PYGB: variants seen among roughly 807,000 people sequenced by gnomAD.
PYGB encodes the protein glycogen phosphorylase, brain form.
Under a neutral mutation model 94.3 loss-of-function variants are expected in PYGB, and 82 were observed. The ratio of observed to expected loss-of-function variants is 0.87; its 90% CI spans 0.73 to 1.04. The LOEUF (loss-of-function observed/expected upper bound fraction) is 1.04. Ranked by LOEUF, PYGB falls within the 50% of genes least tolerant of loss-of-function variation. PYGB has a pLI of 0.00. For missense variants in PYGB, 1,132 were observed against 1,158.2 expected (o/e 0.98, Z 0.33); for synonymous variants, 488 against 479.1 (o/e 1.02, Z -0.24).
In PYGB at chr20:25,297,247, G is replaced by A. The variant is rs753945479; in HGVS notation, c.*725G>A. On this transcript the variant is annotated 3_prime_UTR_variant, in exon 20 of 20. Transcript: ENST00000216962. ...TCTCAGAGGCCTTGGTCAGGATGAA[G>A]TTGGCTGACACAGCTTAGCTTGGTT... 1 of 152,304 alleles carries A rather than the reference G, an allele frequency of 6.6e-6. No homozygotes were observed. The highest frequency in any genetic ancestry group is 1.5e-5 in the Non-Finnish European group (1 of 68,076). The allele number at this position is 152,304 out of a possible 1,614,324, so 9.4% of individuals were successfully genotyped here.
intron 14 of PYGB, among the ~76,000 whole-genome samples, chr20:25,285,951 C>T (rs1235901525): frequency 2.0e-5 from 3 of 152,184 alleles, no homozygotes; most frequent in African/African-American, 7.2e-5. Flanking sequence ...CGGCCTGGAC[C>T]CTTCACCATG....
At chr20:25,250,043 G>A (rs2092883183) in intron 1 of PYGB, among the ~76,000 whole-genome samples, 1 of 152,092 alleles carries the variant, frequency 6.6e-6, no homozygotes, top group Admixed American at 6.5e-5. Context: ...TAGAGACGGG[G>A]TTTCACCATG....
intron 15 of PYGB, among the ~76,000 whole-genome samples, chr20:25,290,231 TAAC>T (rs558147670): frequency 2.8e-3 from 429 of 152,322 alleles, no homozygotes; most frequent in South Asian, 6.4e-3. Flanking sequence ...TCTGAAAACC[TAAC>T]AACAACCAGA....
chr20:25,259,091 G>C (rs1228056871), intron 1 of PYGB, 146 bp from the exon 2 acceptor site: 11 of 704,534 alleles, frequency 1.6e-5, no homozygotes, highest in Non-Finnish European at 2.5e-5. Flanking sequence ...CAGGCTGCCT[G>C]ACAGAGCAAG....
intron 1 of PYGB, among the ~76,000 whole-genome samples, chr20:25,250,261 G>A (rs115334531): frequency 9.5e-4 from 145 of 152,324 alleles, no homozygotes; most frequent in African/African-American, 3.4e-3. Flanking sequence ...ACCTTAGGGT[G>A]CCCATTGGAG....
At chr20:25,274,318 C>A (rs994117786) in intron 4 of PYGB, among the ~76,000 whole-genome samples, 1 of 152,214 alleles carries the variant, frequency 6.6e-6, no homozygotes, top group Admixed American at 6.5e-5. Context: ...CAAGCTCCAT[C>A]CAGATCGGAG....
intron 1 of PYGB, among the ~76,000 whole-genome samples, chr20:25,250,358 A>C (rs1441934569): frequency 6.6e-6 from 1 of 152,204 alleles, no homozygotes; most frequent in Non-Finnish European, 1.5e-5. Flanking sequence ...AGTCCCTGCA[A>C]CAAAACAGGT....
At chr20:25,249,199 T>C (rs911045634) in intron 1 of PYGB, among the ~76,000 whole-genome samples, 1 of 152,184 alleles carries the variant, frequency 6.6e-6, no homozygotes, top group Admixed American at 6.6e-5. Flanking sequence ...TTCCTAAATA[T>C]ACATACACAT....
At chr20:25,256,232 A>T (rs899624450) in intron 1 of PYGB, among the ~76,000 whole-genome samples, 1 of 151,636 alleles carries the variant, frequency 6.6e-6, no homozygotes, top group African/African-American at 2.4e-5. Context: ...TTGGTGTTAC[A>T]CTCTCTTTTC....
rs759183743 is a variant in PYGB, at chr20:25,296,498, GCCC to G, written c.2512_2514del (p.Pro838del). The G allele has an allele frequency of 6.2e-7, 1 of 1,613,494 alleles. No individual in the cohort carries two copies. The highest frequency in any genetic ancestry group is 1.3e-5 in the African/African-American group (1 of 75,042). On this transcript the variant is annotated inframe_deletion, in exon 20 of 20. Coordinates refer to ENST00000216962, the MANE Select transcript of PYGB (RefSeq NM_002862.4). ...TGGAGCCCTCCGACCTGCAGATCCC[GCCC>G]CCCAACATCCCCCGGGACTAGGCAC...
At chr20:25,287,895 T>C (rs548968709) in intron 14 of PYGB, among the ~76,000 whole-genome samples, 12 of 151,818 alleles carry the variant, frequency 7.9e-5, no homozygotes, top group African/African-American at 1.9e-4. Flanking sequence ...GTGGGAGGAT[T>C]GCTTGAACCT....
intron 5 of PYGB, among the ~76,000 whole-genome samples, chr20:25,275,091 C>T (rs546295441): frequency 8.7e-4 from 133 of 152,312 alleles, no homozygotes; most frequent in African/African-American, 3.0e-3. Context: ...CACGGACCCC[C>T]AGGGTGGGCG....
Position 25,274,644 on chromosome 20 carries a change from G to A in PYGB, c.581G>A (p.Arg194Gln), listed in dbSNP as rs757574513. ...TACGGCAACCCCTGGGAGAAAGCGC[G>A]GCCTGAGTATATGCTTCCCGTGCAC... Reference protein sequence around the residue: ...LRYGNPWEKARPEYMLPVHFY... With the variant: ...LRYGNPWEKAQPEYMLPVHFY... Residue 194 changes from arginine to glutamine, a missense_variant, in exon 5 of 20, where the codon CGG becomes CAG. Transcript: ENST00000216962. 30 of 1,613,724 alleles carry A rather than the reference G, an allele frequency of 1.9e-5. 1 individual carries two copies. The highest frequency in any genetic ancestry group is 1.5e-4 in the Admixed American group (9 of 60,010).
intron 1 of PYGB, among the ~76,000 whole-genome samples, chr20:25,258,629 C>T (rs111631271): frequency 1.5e-3 from 234 of 152,342 alleles, no homozygotes; most frequent in Non-Finnish European, 2.3e-3. Context: ...CATGGGTGGC[C>T]GTCCTTGATA....
At chr20:25,280,052 C>G (rs552914748) in intron 9 of PYGB, among the ~76,000 whole-genome samples, 1 of 152,376 alleles carries the variant, frequency 6.6e-6, no homozygotes, top group South Asian at 2.1e-4. Context: ...TAATGTCACA[C>G]TTCAGTGGGT....
At chr20:25,264,438 G>T (rs2092920081) in intron 2 of PYGB, among the ~76,000 whole-genome samples, 1 of 152,188 alleles carries the variant, frequency 6.6e-6, no homozygotes, top group African/African-American at 2.4e-5. Flanking sequence ...ATTCAGGCAG[G>T]AGAAAGAAAT....
chr20:25,287,771 G>T (rs1285664074), intron 14 of PYGB, among the ~76,000 whole-genome samples: 1 of 152,264 alleles, frequency 6.6e-6, no homozygotes, highest in African/African-American at 2.4e-5. Context: ...CTTGAGCGTG[G>T]GAGTTTGAAA....
chr20:25,293,160 G>A, intron 17 of PYGB, among the ~76,000 whole-genome samples: 1 of 118,754 alleles, frequency 8.4e-6, no homozygotes, highest in East Asian at 2.5e-4. Context: ...GGATGGGGGG[G>A]TTGGGGGGTG....
chr20:25,248,801 C>T (rs959640845), intron 1 of PYGB, among the ~76,000 whole-genome samples: 18 of 152,276 alleles, frequency 1.2e-4, no homozygotes, highest in South Asian at 2.1e-4. Flanking sequence ...TTTCCTGCAG[C>T]AGCCTGTGGG....
Sources: allele counts gnomAD v4.1 joint callset (sites outside exome capture counted in the v4.1 genomes callset), GRCh38; gene constraint gnomAD v4.1.1; transcripts MANE v1.5; gene names NCBI Gene and HGNC (gene_info 2026-07-23, HGNC 2026-07-21).